The following KCNH7 variants were observed in gnomAD, a reference collection of about 807,000 sequenced individuals.
KCNH7 encodes voltage-gated inwardly rectifying potassium channel KCNH7.
Under a neutral mutation model 120.8 loss-of-function variants are expected in KCNH7, and 49 were observed. The observed-to-expected ratio is 0.41, with a 90% confidence interval of 0.32 to 0.51. KCNH7 has a LOEUF of 0.51. Ranked by LOEUF, KCNH7 falls within the 20% of genes least tolerant of loss-of-function variation. KCNH7 has a pLI of 0.38. For missense variants in KCNH7, 1,097 were observed against 1,446.6 expected, an observed-to-expected ratio of 0.76 and a Z score of 3.92; for synonymous variants, 547 against 516.1, an observed-to-expected ratio of 1.06 and a Z score of -0.81.
intron 2 of KCNH7, among the ~76,000 whole-genome samples, chr2:162,762,153 C>T (rs535229738): frequency 6.6e-6 from 1 of 152,030 alleles, no homozygotes; most frequent in Non-Finnish European, 1.5e-5. Context: ...TCCAACTACT[C>T]ATTTTATTTT....
intron 6 of KCNH7, among the ~76,000 whole-genome samples, chr2:162,492,086 G>T (rs1574023984): frequency 6.6e-6 from 1 of 152,304 alleles, no homozygotes; most frequent in East Asian, 1.9e-4. Context: ...GTTCTTACCA[G>T]TCAGACTTCT....
intron 6 of KCNH7, among the ~76,000 whole-genome samples, chr2:162,481,976 C>T (rs1402311176): frequency 6.7e-6 from 1 of 149,446 alleles, no homozygotes; most frequent in African/African-American, 2.4e-5. Flanking sequence ...ATCTATCTAT[C>T]TATCTATCTA....
intron 6 of KCNH7, among the ~76,000 whole-genome samples, chr2:162,468,684 C>T (rs1165092194): frequency 1.3e-5 from 2 of 151,662 alleles, no homozygotes; most frequent in East Asian, 1.9e-4. Context: ...CCATGCCTGA[C>T]TAATTTTTTG....
chr2:162,798,156 G>A (rs1233928766), intron 2 of KCNH7, among the ~76,000 whole-genome samples: 1 of 152,030 alleles, frequency 6.6e-6, no homozygotes, highest in Non-Finnish European at 1.5e-5. Context: ...CATAGTTATA[G>A]ATCACTTATA....
At chr2:162,521,001 T>C (rs1691503120) in intron 3 of KCNH7, among the ~76,000 whole-genome samples, 1 of 151,894 alleles carries the variant, frequency 6.6e-6, no homozygotes, top group Non-Finnish European at 1.5e-5. Context: ...TGATCCTTTT[T>C]ACTTCACCTA....
intron 5 of KCNH7, 36 bp downstream of exon 5, chr2:162,512,618 G>A: frequency 6.3e-7 from 1 of 1,599,510 alleles, no homozygotes; most frequent in Non-Finnish European, 8.6e-7. Flanking sequence ...GGGGCAGGTT[G>A]AACATCAGAT....
chr2:162,464,119 A>G (rs955354709), intron 6 of KCNH7, among the ~76,000 whole-genome samples: 1 of 152,000 alleles, frequency 6.6e-6, no homozygotes, highest in African/African-American at 2.4e-5. Flanking sequence ...GGGTACATGA[A>G]TCATCTGAAA....
chr2:162,578,924 A>G (rs964422344), intron 2 of KCNH7, among the ~76,000 whole-genome samples: 2 of 149,814 alleles, frequency 1.3e-5, no homozygotes, highest in African/African-American at 2.5e-5. Context: ...ATTCAGATTT[A>G]TGAGTTTTTT....
chr2:162,660,218 T>G (rs1684911579), intron 2 of KCNH7, among the ~76,000 whole-genome samples: 1 of 152,166 alleles, frequency 6.6e-6, no homozygotes, highest in Non-Finnish European at 1.5e-5. Context: ...ATAATTAGAT[T>G]ATTGATTTTA....
At chr2:162,781,237 C>T (rs1461385737) in intron 2 of KCNH7, among the ~76,000 whole-genome samples, 2 of 151,806 alleles carry the variant, frequency 1.3e-5, no homozygotes, top group African/African-American at 4.8e-5. Context: ...TGTATTAGCT[C>T]ATCTCATCCC....
chr2:162,579,271 T>C (rs1693792397), intron 2 of KCNH7, among the ~76,000 whole-genome samples: 3 of 152,060 alleles, frequency 2.0e-5, no homozygotes, highest in Admixed American at 2.0e-4. Flanking sequence ...AAGTGGTCCC[T>C]TGGCTCCCTT....
At chr2:162,471,435 C>G (rs1366404029) in intron 6 of KCNH7, among the ~76,000 whole-genome samples, 2 of 151,938 alleles carry the variant, frequency 1.3e-5, no homozygotes, top group Non-Finnish European at 2.9e-5. Context: ...TGTGTATACA[C>G]GTGTTTGAGA....
At chr2:162,800,027 A>G (rs1684286913) in intron 2 of KCNH7, among the ~76,000 whole-genome samples, 1 of 151,832 alleles carries the variant, frequency 6.6e-6, no homozygotes, top group Admixed American at 6.6e-5. Flanking sequence ...ACAAGAAAAT[A>G]TAAATATATA....
chr2:162,426,846 C>T (rs1053370878), intron 8 of KCNH7, among the ~76,000 whole-genome samples: 3 of 152,074 alleles, frequency 2.0e-5, no homozygotes, highest in Admixed American at 2.0e-4. Context: ...CTAAAAGTCT[C>T]CTTGTGTTCT....
intron 3 of KCNH7, among the ~76,000 whole-genome samples, chr2:162,530,776 A>G (rs1275008118): frequency 6.6e-6 from 1 of 151,868 alleles, no homozygotes; most frequent in African/African-American, 2.4e-5. Context: ...AATAGCCAGT[A>G]TCATTATTTT....
chr2:162,619,076 C>T (rs1030187679), intron 2 of KCNH7, among the ~76,000 whole-genome samples: 2 of 152,126 alleles, frequency 1.3e-5, no homozygotes, highest in African/African-American at 2.4e-5. Flanking sequence ...GAACGTTCAA[C>T]TCATCTGCCT....
At chr2:162,734,503 C>T (rs1687832912) in intron 2 of KCNH7, among the ~76,000 whole-genome samples, 1 of 152,054 alleles carries the variant, frequency 6.6e-6, no homozygotes, top group African/African-American at 2.4e-5. Context: ...TTTTTCCTGC[C>T]CATATATGAT....
chr2:162,591,125 C>G (rs139657497), intron 2 of KCNH7, among the ~76,000 whole-genome samples: 1 of 152,066 alleles, frequency 6.6e-6, no homozygotes, highest in African/African-American at 2.4e-5. Context: ...TCAGCTAAAC[C>G]CTCTTCCCAG....
In KCNH7 at chr2:162,517,860, T is replaced by A; in HGVS notation, c.762A>T (p.Ser254=). Residue 254 remains serine (S), a synonymous_variant, in exon 4 of 16, where the codon TCA becomes TCT. Coordinates refer to ENST00000332142, the MANE Select transcript of KCNH7 (RefSeq NM_033272.4). The stretch of plus-strand genomic sequence containing the variant: ...ATCTGGAATGGGACAGCTGGGAACT[T>A]GACTGCAGCATGTCAGGGTAGAGTC... ...WDRLYPDMLQ[S]SSQLSHSRSR... 2 of 1,612,466 alleles carry A rather than the reference T, an allele frequency of 1.2e-6. No homozygotes were observed. Among genetic ancestry groups the A allele is most frequent in the Non-Finnish European group, 1.7e-6 (2 of 1,178,920 alleles).
Sources: gnomAD v4.1 joint callset for allele counts (sites outside exome capture counted in the v4.1 genomes callset) on GRCh38, gnomAD v4.1.1 for gene constraint, MANE v1.5 for transcripts, NCBI Gene and HGNC (gene_info 2026-07-23, HGNC 2026-07-21) for gene names.